Variants in ADCK1 observed in about 807,000 individuals in gnomAD.
The protein encoded by ADCK1 is aarF domain-containing protein kinase 1.
In ADCK1, 41 loss-of-function variants were observed where a neutral mutation model predicts 52.3. That is an observed-to-expected ratio of 0.78 (90% CI 0.61 to 1.02). ADCK1 has a LOEUF of 1.02. Ranked by LOEUF, ADCK1 falls within the 50% of genes least tolerant of loss-of-function variation. The pLI is 0.00. For synonymous variants in ADCK1, 250 were observed against 274.6 expected (o/e 0.91, Z 0.89); for missense variants, 658 against 679.5 (o/e 0.97, Z 0.35).
intron 7 of ADCK1, among the ~76,000 whole-genome samples, chr14:77,908,874 C>T (rs1595070162): frequency 6.6e-6 from 1 of 152,242 alleles, no homozygotes; most frequent in Middle Eastern, 3.4e-3. Flanking sequence ...CTGAGGCCTG[C>T]CACAGGTTGG....
intron 3 of ADCK1, among the ~76,000 whole-genome samples, chr14:77,856,102 C>G (rs1394438125): frequency 6.6e-6 from 1 of 152,058 alleles, no homozygotes; most frequent in Non-Finnish European, 1.5e-5. Flanking sequence ...CCCAGCTACT[C>G]AGGAGGCTGA....
At position 77,887,969 on chromosome 14, in the gene ADCK1, CT is replaced by C. The variant is rs143283622; in HGVS notation, c.582+721del. On this transcript the variant is annotated intron_variant, in intron 5 of 10. Coordinates refer to ENST00000238561, the MANE Select transcript of ADCK1 (RefSeq NM_020421.4). ...CTGGACTCTTAGTTTATTCTTTCAACTCTAACCAAACTTGATGCATATATTG... is the reference window on the plus strand; with the variant it reads ...CTGGACTCTTAGTTTATTCTTTCAACCTAACCAAACTTGATGCATATATTG... Among the ~76,000 whole-genome samples, 834 of 152,308 alleles carry C rather than the reference CT, an allele frequency of 5.5e-3. 7 individuals are homozygous for C. Among genetic ancestry groups the C allele is most frequent in the African/African-American group, 0.019 (808 of 41,564 alleles).
rs10149341 is a variant in ADCK1, at chr14:77,803,975, C to T, written c.-12+3805C>T. Among the ~76,000 whole-genome samples the T allele has an allele frequency of 8.5e-3, 1,295 of 152,294 alleles. 16 individuals carry two copies. Among genetic ancestry groups the T allele is most frequent in the African/African-American group, 0.029 (1,205 of 41,560 alleles). Reference sequence around the variant, plus strand: ...GGACAAATCTCTCACCCTCTCTGCTCCTTGGTTTCCTCATTTATACCTGGG... The same window carrying T: ...GGACAAATCTCTCACCCTCTCTGCTTCTTGGTTTCCTCATTTATACCTGGG... On this transcript the variant is annotated intron_variant, in intron 1 of 10. Coordinates refer to ENST00000238561, the MANE Select transcript of ADCK1 (RefSeq NM_020421.4).
At position 77,924,614 on chromosome 14, in the gene ADCK1, A is replaced by G. The variant is rs1161433310; in HGVS notation, c.1008+8A>G. 5.0e-6 allele frequency: 8 copies of G among 1,612,040 alleles called. No individual in the cohort carries two copies. The highest frequency in any genetic ancestry group is 6.8e-6 in the Non-Finnish European group (8 of 1,180,002). On this transcript the variant is annotated splice_region_variant and intron_variant, in intron 8 of 10. Transcript: ENST00000238561. ...GACCATGGGCTTTACCAGGTAGAAG[A>G]GGCCTTTGTTACCCAGCCCTGGGGC...
chr14:77,857,909 G>A (rs1228507723), intron 3 of ADCK1, among the ~76,000 whole-genome samples: 1 of 152,124 alleles, frequency 6.6e-6, no homozygotes, highest in Non-Finnish European at 1.5e-5. Flanking sequence ...TGTGCCCATG[G>A]CCCCATCCTG....
chr14:77,810,496 G>A (rs931008940), intron 1 of ADCK1, among the ~76,000 whole-genome samples: 1 of 150,936 alleles, frequency 6.6e-6, no homozygotes, highest in African/African-American at 2.4e-5. Flanking sequence ...GCTGCAAGGA[G>A]TTGTGACTTA....
At chr14:77,847,888 G>T (rs568410127) in intron 3 of ADCK1, among the ~76,000 whole-genome samples, 2 of 152,120 alleles carry the variant, frequency 1.3e-5, no homozygotes, top group African/African-American at 2.4e-5. Context: ...TGGCTTACTG[G>T]AACAGTTCCC....
intron 4 of ADCK1, among the ~76,000 whole-genome samples, chr14:77,863,618 C>T (rs1163495503): frequency 1.3e-5 from 2 of 152,060 alleles, no homozygotes; most frequent in African/African-American, 4.8e-5. Context: ...GGGTGGATCA[C>T]TTGAGGTCAA....
chr14:77,843,064 A>T lies in ADCK1; in HGVS notation c.220-16012A>T, dbSNP rs193257450. On this transcript the variant is annotated intron_variant, in intron 3 of 10. Coordinates refer to ENST00000238561, the MANE Select transcript of ADCK1 (RefSeq NM_020421.4). ...GCCACTACTCCTAACTAATTAAAAA[A>T]TTTTTTTTGTAGACATGGGGTCTTA... is the stretch of plus-strand genomic sequence containing the variant. Among the ~76,000 whole-genome samples the T allele has an allele frequency of 4.1e-4, 62 of 151,606 alleles. 1 individual carries two copies. The highest frequency in any genetic ancestry group is 6.6e-4 in the Admixed American group (10 of 15,178).
At chr14:77,817,829 G>C (rs1406160251) in intron 1 of ADCK1, among the ~76,000 whole-genome samples, 1 of 151,820 alleles carries the variant, frequency 6.6e-6, no homozygotes, top group Non-Finnish European at 1.5e-5. Context: ...TCCGCCTTCC[G>C]GGTTCACGCC....
At chr14:77,842,524 C>T (rs2082095913) in intron 3 of ADCK1, among the ~76,000 whole-genome samples, 1 of 147,774 alleles carries the variant, frequency 6.8e-6, no homozygotes. Context: ...TCATTTCCTC[C>T]CTCCCTCCTT....
intron 7 of ADCK1, among the ~76,000 whole-genome samples, chr14:77,910,296 G>T (rs1247264769): frequency 6.6e-6 from 1 of 152,090 alleles, no homozygotes; most frequent in African/African-American, 2.4e-5. Flanking sequence ...TTTACAGATG[G>T]GGTGAAAAGT....
chr14:77,821,191 A>T (rs1173045231), intron 2 of ADCK1: 3 of 152,154 alleles, frequency 2.0e-5, no homozygotes, highest in African/African-American at 7.2e-5. Flanking sequence ...GTTGGAAAGG[A>T]GGGAGGCAGA....
At chr14:77,859,031 C>T in intron 3 of ADCK1, 45 bp from the exon 4 acceptor site, 1 of 1,514,264 alleles carries the variant, frequency 6.6e-7, no homozygotes, top group Non-Finnish European at 8.9e-7. Flanking sequence ...GTGTAGGGAA[C>T]AGTCTGCACT....
chr14:77,920,927 G>C (rs749932473), intron 7 of ADCK1, among the ~76,000 whole-genome samples: 9 of 152,178 alleles, frequency 5.9e-5, no homozygotes, highest in African/African-American at 2.2e-4. Flanking sequence ...TGGGATTATA[G>C]GTGTGGGCCA....
intron 3 of ADCK1, chr14:77,827,776 A>G: frequency 2.6e-6 from 1 of 381,680 alleles, no homozygotes. Flanking sequence ...GTCCCCTGGC[A>G]CCTAGTCCTA....
At chr14:77,860,345 A>G (rs2082516947) in intron 4 of ADCK1, among the ~76,000 whole-genome samples, 1 of 152,204 alleles carries the variant, frequency 6.6e-6, no homozygotes, top group Non-Finnish European at 1.5e-5. Flanking sequence ...ATGAACTAGA[A>G]ATAGTGTTGT....
chr14:77,883,064 A>G (rs987232388), intron 4 of ADCK1, among the ~76,000 whole-genome samples: 2 of 151,194 alleles, frequency 1.3e-5, no homozygotes, highest in African/African-American at 4.9e-5. Flanking sequence ...AAGCCAGAGA[A>G]ACTCTTTTTC....
At chr14:77,873,990 T>C (rs975560851) in intron 4 of ADCK1, among the ~76,000 whole-genome samples, 1 of 152,224 alleles carries the variant, frequency 6.6e-6, no homozygotes, top group Non-Finnish European at 1.5e-5. Context: ...ACTCTAACAC[T>C]CTGCTTTTAC....
Sources: allele counts gnomAD v4.1 joint callset (sites outside exome capture counted in the v4.1 genomes callset), GRCh38; gene constraint gnomAD v4.1.1; transcripts MANE v1.5; gene names NCBI Gene and HGNC (gene_info 2026-07-23, HGNC 2026-07-21).